The following DLGAP2 variants were observed in gnomAD, a reference collection of about 807,000 sequenced individuals.
The protein encoded by DLGAP2 is DLG associated protein 2.
A neutral mutation model predicts 100.3 loss-of-function variants in DLGAP2; 26 were observed. The observed-to-expected ratio is 0.26, with a 90% CI of 0.19 to 0.36. The LOEUF (loss-of-function observed/expected upper bound fraction) is 0.36, where lower values mean the gene tolerates loss of function less well. DLGAP2 is among the 10% of genes least tolerant of loss of function. DLGAP2 has a pLI of 1.00. For synonymous variants in DLGAP2, 886 were observed against 630.1 expected (o/e 1.41, Z -6.08); for missense variants, 1,858 against 1,453.2 (o/e 1.28, Z -4.53).
At chr8:1,092,057 C>T (rs1447758238) in intron 2 of DLGAP2, among the ~76,000 whole-genome samples, 2 of 152,132 alleles carry the variant, frequency 1.3e-5, no homozygotes, top group Non-Finnish European at 1.5e-5. Flanking sequence ...GCACTCCAGC[C>T]GTGCAGCCTC....
At chr8:1,519,387 G>A (rs547382701) in intron 4 of DLGAP2, among the ~76,000 whole-genome samples, 6 of 152,272 alleles carry the variant, frequency 3.9e-5, no homozygotes, top group African/African-American at 9.6e-5. Context: ...GAAATTCAGT[G>A]TTTTGCACGA....
intron 1 of DLGAP2, among the ~76,000 whole-genome samples, chr8:813,647 G>T (rs745437777): frequency 6.6e-6 from 1 of 152,170 alleles, no homozygotes; most frequent in Non-Finnish European, 1.5e-5. Flanking sequence ...TGATGCTGCT[G>T]GCTGAACCCT....
At chr8:842,501 A>T (rs1797001142) in intron 1 of DLGAP2, among the ~76,000 whole-genome samples, 1 of 152,218 alleles carries the variant, frequency 6.6e-6, no homozygotes, top group Admixed American at 6.5e-5. Context: ...TTTATTGCTC[A>T]GTAACGGTAT....
chr8:1,024,746 G>A (rs965363146), intron 2 of DLGAP2, among the ~76,000 whole-genome samples: 3 of 152,196 alleles, frequency 2.0e-5, no homozygotes, highest in Non-Finnish European at 4.4e-5. Flanking sequence ...CGGTCACGTA[G>A]GGTCCTCTGG....
chr8:795,130 T>C (rs1400496609), intron 1 of DLGAP2, among the ~76,000 whole-genome samples: 1 of 152,220 alleles, frequency 6.6e-6, no homozygotes, highest in Non-Finnish European at 1.5e-5. Context: ...GGGTTTTCGT[T>C]ATTAACAGCA....
intron 8 of DLGAP2, among the ~76,000 whole-genome samples, chr8:1,638,009 C>G (rs971201405): frequency 8.5e-5 from 13 of 152,198 alleles, no homozygotes; most frequent in African/African-American, 3.1e-4. Context: ...CGCTGGGCAC[C>G]TCAGCTCTGG....
chr8:778,438 C>T (rs1241823233), intron 1 of DLGAP2, among the ~76,000 whole-genome samples: 10 of 152,186 alleles, frequency 6.6e-5, no homozygotes. Flanking sequence ...TTTAGAGTTT[C>T]CAGTTTTTCT....
At chr8:1,051,594 A>G (rs538906189) in intron 2 of DLGAP2, among the ~76,000 whole-genome samples, 2 of 152,214 alleles carry the variant, frequency 1.3e-5, no homozygotes, top group African/African-American at 2.4e-5. Flanking sequence ...ACTTGCTACT[A>G]TGTAATTTTA....
At chr8:1,622,189 C>T (rs1321708986) in intron 6 of DLGAP2, 4 of 152,226 alleles carry the variant, frequency 2.6e-5, no homozygotes, top group African/African-American at 4.8e-5. Flanking sequence ...CTCCATTTTC[C>T]ATTGAATGCA....
At chr8:1,130,920 C>T (rs1796280028) in intron 2 of DLGAP2, among the ~76,000 whole-genome samples, 1 of 152,044 alleles carries the variant, frequency 6.6e-6, no homozygotes. Context: ...CGGAGACGGG[C>T]CTCCCTGATG....
Position 1,156,378 on chromosome 8 carries a change from C to G in DLGAP2, c.74-102473C>G, listed in dbSNP as rs1339531931. On this transcript the variant is annotated intron_variant, in intron 2 of 14. Transcript: ENST00000637795. ...AGTTGGGGAGGCGGCGGTGGCCTCA[C>G]TCTGGACGCCCCTGGGTCTGGCCGT... Among the ~76,000 whole-genome samples the G allele has an allele frequency of 3.5e-4, 54 of 152,304 alleles. 1 individual carries two copies. The highest frequency in any genetic ancestry group is 1.5e-5 in the Non-Finnish European group (1 of 68,010).
intron 3 of DLGAP2, among the ~76,000 whole-genome samples, chr8:1,435,545 G>A (rs746151199): frequency 6.6e-6 from 1 of 152,164 alleles, no homozygotes; most frequent in African/African-American, 2.4e-5. Flanking sequence ...GGGATGCGCA[G>A]TGCATCTTGT....
intron 4 of DLGAP2, among the ~76,000 whole-genome samples, chr8:1,513,340 C>G (rs934351626): frequency 2.6e-5 from 4 of 151,438 alleles, no homozygotes; most frequent in Admixed American, 6.6e-5. Context: ...CACAGGCCAG[C>G]TCCAGGGAGG....
chr8:1,287,942 G>C (rs1210011988), intron 3 of DLGAP2, among the ~76,000 whole-genome samples: 1 of 107,486 alleles, frequency 9.3e-6, no homozygotes, highest in Non-Finnish European at 2.1e-5. Context: ...GGTTCAGCGT[G>C]TGTGTGTGTG....
intron 2 of DLGAP2, among the ~76,000 whole-genome samples, chr8:1,231,033 C>G (rs548417262): frequency 6.6e-6 from 1 of 152,276 alleles, no homozygotes; most frequent in East Asian, 1.9e-4. Context: ...TAAAGAGCTT[C>G]TGCATAGCAA....
intron 1 of DLGAP2, among the ~76,000 whole-genome samples, chr8:764,957 T>A (rs1430348556): frequency 6.6e-6 from 1 of 152,186 alleles, no homozygotes; most frequent in East Asian, 1.9e-4. Flanking sequence ...GCAACCAGAA[T>A]AGATTCAATA....
intron 3 of DLGAP2, among the ~76,000 whole-genome samples, chr8:1,498,956 G>T (rs1799626246): frequency 6.6e-6 from 1 of 152,214 alleles, no homozygotes; most frequent in African/African-American, 2.4e-5. Flanking sequence ...CTCAGCCCAT[G>T]CTGGATTGTT....
intron 8 of DLGAP2, among the ~76,000 whole-genome samples, chr8:1,656,616 C>A (rs1470845945): frequency 1.3e-5 from 2 of 152,208 alleles, no homozygotes; most frequent in African/African-American, 4.8e-5. Flanking sequence ...AGTTTTTACA[C>A]ACCTCTTCCC....
chr8:970,504 T>C (rs1181075576), intron 2 of DLGAP2, among the ~76,000 whole-genome samples: 1 of 152,154 alleles, frequency 6.6e-6, no homozygotes, highest in African/African-American at 2.4e-5. Context: ...CTTGGATACA[T>C]TTCTTCTGTA....
Sources: gnomAD v4.1 joint callset for allele counts (sites outside exome capture counted in the v4.1 genomes callset) on GRCh38, gnomAD v4.1.1 for gene constraint, MANE v1.5 for transcripts, NCBI Gene and HGNC (gene_info 2026-07-23, HGNC 2026-07-21) for gene names.